CACNA1C: variants seen among roughly 807,000 people sequenced by gnomAD.
The protein encoded by CACNA1C is calcium voltage-gated channel subunit alpha1 C.
In CACNA1C, 30 loss-of-function variants were observed where a neutral mutation model predicts 229.0. That is an observed-to-expected ratio of 0.13 (90% CI 0.10 to 0.18). The LOEUF (loss-of-function observed/expected upper bound fraction) is 0.18, where lower values mean the gene tolerates loss of function less well. Among genes scored for constraint, CACNA1C ranks in the 10% least tolerant of loss-of-function variants. The probability of loss-of-function intolerance (pLI) is 1.00; values close to 1 mark genes in which losing one functional copy is unlikely to be tolerated. For missense variants in CACNA1C, 1,658 were observed against 2,845.0 expected (o/e 0.58, Z 9.49); for synonymous variants, 1,114 against 1,132.5 (o/e 0.98, Z 0.33).
At chr12:2,624,937 G>A (rs1269473805) in intron 29 of CACNA1C, among the ~76,000 whole-genome samples, 8 of 152,218 alleles carry the variant, frequency 5.3e-5, no homozygotes, top group African/African-American at 1.7e-4. Flanking sequence ...CCCAGCCTTC[G>A]CCATCGGCAC....
intron 9 of CACNA1C, among the ~76,000 whole-genome samples, chr12:2,522,171 G>A (rs2099811278): frequency 6.6e-6 from 1 of 152,286 alleles, no homozygotes; most frequent in Non-Finnish European, 1.5e-5. Context: ...CCCATCTCAG[G>A]ACAGGCACTG....
intron 3 of CACNA1C, among the ~76,000 whole-genome samples, chr12:2,164,620 T>C (rs559441077): frequency 6.6e-6 from 1 of 152,312 alleles, no homozygotes; most frequent in Non-Finnish European, 1.5e-5. Context: ...AAAACTTGTC[T>C]TCATAATATC....
rs1438963640 is a variant in CACNA1C, at chr12:2,246,151, G to A, written c.477+125721G>A. On this transcript the variant is annotated intron_variant, in intron 3 of 46. Coordinates refer to ENST00000399655, the MANE Select transcript of CACNA1C (RefSeq NM_000719.7). ...AAACAGAGCAAGAGAAGATGGTGCC[G>A]GCAGCAAACAGCACAGGGCATGGCG... is the stretch of plus-strand genomic sequence containing the variant. Among the ~76,000 whole-genome samples the A allele has an allele frequency of 2.6e-5, 4 of 152,152 alleles. 1 individual carries two copies. The South Asian group carries it at 8.3e-4, about 31-fold the overall frequency.
intron 3 of CACNA1C, among the ~76,000 whole-genome samples, chr12:2,445,029 C>A (rs972928688): frequency 8.5e-5 from 13 of 152,178 alleles, no homozygotes; most frequent in Non-Finnish European, 1.6e-4. Context: ...TCCTGCCGGG[C>A]CCTCCAGCCC....
At chr12:2,061,930 G>T (rs926208617) in intron 1 of CACNA1C, among the ~76,000 whole-genome samples, 10 of 152,216 alleles carry the variant, frequency 6.6e-5, no homozygotes, top group Non-Finnish European at 1.0e-4. Context: ...AGATAGAGGG[G>T]ACAGTTCTGT....
intron 3 of CACNA1C, among the ~76,000 whole-genome samples, chr12:2,201,810 T>C (rs544774729): frequency 4.6e-5 from 7 of 152,278 alleles, no homozygotes; most frequent in Admixed American, 2.0e-4. Context: ...CCATGCTTCA[T>C]TGGCCAGGGG....
intron 3 of CACNA1C, among the ~76,000 whole-genome samples, chr12:2,332,304 G>A (rs1249079188): frequency 1.3e-5 from 2 of 152,160 alleles, no homozygotes; most frequent in African/African-American, 4.8e-5. Flanking sequence ...CTATGTGAGT[G>A]TCTTTCTCTG....
intron 1 of CACNA1C, among the ~76,000 whole-genome samples, chr12:1,993,658 A>G (rs11062047): frequency 0.015 from 758 of 49,420 alleles, 6 homozygotes; most frequent in African/African-American, 0.048. Flanking sequence ...GTGTGTGTGT[A>G]TACAGATGTT....
intron 18 of CACNA1C, among the ~76,000 whole-genome samples, chr12:2,589,972 A>G (rs181939945): frequency 1.8e-4 from 28 of 152,298 alleles, no homozygotes; most frequent in East Asian, 7.7e-4. Flanking sequence ...CAGAAACTGT[A>G]TCCACCACCT....
At chr12:2,442,568 G>A (rs2154561339) in intron 3 of CACNA1C, among the ~76,000 whole-genome samples, 2 of 152,332 alleles carry the variant, frequency 1.3e-5, no homozygotes, top group Admixed American at 1.3e-4. Flanking sequence ...TCCTCCAGGA[G>A]CACCGGGGAA....
At chr12:2,167,320 A>G (rs952843925) in intron 3 of CACNA1C, among the ~76,000 whole-genome samples, 1 of 152,184 alleles carries the variant, frequency 6.6e-6, no homozygotes, top group African/African-American at 2.4e-5. Flanking sequence ...GTGTGTGACA[A>G]ATCCTTGTCT....
At chr12:2,439,476 G>A (rs1464992778) in intron 3 of CACNA1C, among the ~76,000 whole-genome samples, 3 of 152,192 alleles carry the variant, frequency 2.0e-5, no homozygotes, top group Admixed American at 6.5e-5. Flanking sequence ...CTTGGCTGGG[G>A]CAGTGGAAGT....
upstream of CACNA1C, chr12:2,048,521 C>A (rs986025229): frequency 5.3e-5 from 8 of 152,220 alleles, no homozygotes; most frequent in African/African-American, 1.9e-4. Flanking sequence ...TAGCTCTCTA[C>A]GACCAACACA....
intron 1 of CACNA1C, among the ~76,000 whole-genome samples, chr12:1,985,777 G>A (rs1015039345): frequency 2.0e-5 from 3 of 152,096 alleles, no homozygotes; most frequent in Non-Finnish European, 4.4e-5. Flanking sequence ...CTGTCTTGCT[G>A]CCTGTGGATG....
At chr12:2,556,890 A>G in intron 10 of CACNA1C, 61 bp from the exon 11 acceptor site, 1 of 1,417,444 alleles carries the variant, frequency 7.1e-7, no homozygotes, top group Non-Finnish European at 1.0e-6. Context: ...GGGACTGTTG[A>G]CCGTCTTTTA....
At chr12:2,031,443 A>G (rs993735910) in intron 1 of CACNA1C, among the ~76,000 whole-genome samples, 1 of 152,128 alleles carries the variant, frequency 6.6e-6, no homozygotes, top group Non-Finnish European at 1.5e-5. Flanking sequence ...TTCAGGCTCA[A>G]CCTTCCAGAA....
chr12:2,209,011 A>T (rs1349793693), intron 3 of CACNA1C, among the ~76,000 whole-genome samples: 2 of 152,166 alleles, frequency 1.3e-5, no homozygotes, highest in Non-Finnish European at 2.9e-5. Context: ...TGTGCATGGC[A>T]AAGCTGAGGG....
chr12:2,596,204 A>C lies in CACNA1C; in HGVS notation c.2793+201A>C. On this transcript the variant is annotated intron_variant, in intron 20 of 46. Transcript: ENST00000399655. The stretch of plus-strand genomic sequence containing the variant: ...CAAGCAAATAAAAGAGCATGTACCC[A>C]AATGCTCAGGCTGGTTTGATAATTG... 1.7e-5 allele frequency: 8 copies of C among 483,982 alleles called. 1 individual carries two copies. In the Middle Eastern group the frequency reaches 2.4e-3, roughly 148 times the overall value. The allele number at this position is 483,982 out of a possible 1,614,324, so 30.0% of individuals were successfully genotyped here. A position where few individuals can be genotyped will look rare whatever the true frequency, so the allele number is the denominator to read the frequency against.
intron 31 of CACNA1C, among the ~76,000 whole-genome samples, chr12:2,650,277 C>T (rs1362515738): frequency 1.3e-5 from 2 of 152,280 alleles, no homozygotes; most frequent in African/African-American, 4.8e-5. Flanking sequence ...GTGAGGGGAG[C>T]GGCCTCTGAC....
Sources: allele counts gnomAD v4.1 joint callset (sites outside exome capture counted in the v4.1 genomes callset), GRCh38; gene constraint gnomAD v4.1.1; transcripts MANE v1.5; gene names NCBI Gene and HGNC (gene_info 2026-07-23, HGNC 2026-07-21).